The following PIP5K1C variants were observed in gnomAD, a reference collection of about 807,000 sequenced individuals.
The protein encoded by PIP5K1C is phosphatidylinositol-4-phosphate 5-kinase type 1 gamma, also known as phosphatidylinositol 4-phosphate 5-kinase type-1 gamma.
Under a neutral mutation model 80.1 loss-of-function variants are expected in PIP5K1C, and 45 were observed. The ratio of observed to expected loss-of-function variants is 0.56; its 90% CI spans 0.44 to 0.72. The LOEUF is 0.72. PIP5K1C is among the 30% of genes least tolerant of loss of function. PIP5K1C has a pLI of 0.00. For synonymous variants in PIP5K1C, 498 were observed against 420.1 expected (o/e 1.19, Z -2.27); for missense variants, 753 against 954.6 (o/e 0.79, Z 2.78).
Position 3,641,580 on chromosome 19 carries a change from A to C in PIP5K1C, c.1787+125T>G. ...AATCAAAAAATAAACTTATGGGAAA[A>C]TCCACCATCTGTGAATACAACCTAG... On this transcript the variant is annotated intron_variant, in intron 15 of 17. Transcript: ENST00000335312. 4 of 738,582 alleles carry C rather than the reference A, an allele frequency of 5.4e-6. 1 individual carries two copies. Among genetic ancestry groups the C allele is most frequent in the Middle Eastern group, 3.6e-4 (1 of 2,774 alleles). The allele number at this position is 738,582 out of a possible 1,614,324, so 45.8% of individuals were successfully genotyped here.
intron 1 of PIP5K1C, among the ~76,000 whole-genome samples, chr19:3,680,224 A>C (rs1374086159): frequency 2.0e-5 from 3 of 152,080 alleles, no homozygotes; most frequent in African/African-American, 7.2e-5. Flanking sequence ...CCATCCATCC[A>C]AACCAAAATC....
intron 14 of PIP5K1C, among the ~76,000 whole-genome samples, 198 bp from the exon 15 acceptor site, chr19:3,642,007 C>T (rs528347070): frequency 6.6e-6 from 1 of 152,304 alleles, no homozygotes; most frequent in Admixed American, 6.5e-5. Flanking sequence ...CCAGCAGGGC[C>T]TGGGGTGTAG....
chr19:3,700,421 G>A lies in PIP5K1C; in HGVS notation c.-31C>T. The stretch of plus-strand genomic sequence containing the variant: ...CGCGCGGACGGCGGCGGGGGCGCCC[G>A]AGGGGGACCCGAGCTGCGACCGCCG... On this transcript the variant is annotated 5_prime_UTR_variant, in exon 1 of 18. Transcript: ENST00000335312. 3 of 1,059,858 alleles carry A rather than the reference G, an allele frequency of 2.8e-6. No homozygotes were observed. The highest frequency in any genetic ancestry group is 1.7e-5 in the African/African-American group (1 of 58,362). The allele number at this position is 1,059,858 out of a possible 1,614,324, so 65.7% of individuals were successfully genotyped here. A position where few individuals can be genotyped will look rare whatever the true frequency, so the allele number is the denominator to read the frequency against.
chr19:3,681,874 C>A (rs1183346817), intron 1 of PIP5K1C, among the ~76,000 whole-genome samples: 1 of 152,046 alleles, frequency 6.6e-6, no homozygotes, highest in Non-Finnish European at 1.5e-5. Flanking sequence ...CCAAACGAGC[C>A]CTGGGGCCTG....
rs2033486632 is a variant in PIP5K1C at position 3,632,077 on chromosome 19, G to A, written c.*1090C>T. ...TCTGGGCTGAGTCCCACCACTGGGA[G>A]CGCTGCCCTCTTGGAGGGTGATGAG... is the stretch of plus-strand genomic sequence containing the variant. On this transcript the variant is annotated 3_prime_UTR_variant, in exon 18 of 18. Coordinates refer to ENST00000335312, the MANE Select transcript of PIP5K1C (RefSeq NM_012398.3). 6.6e-6 allele frequency: 1 copy of A among 152,320 alleles called. No homozygotes were observed. The highest frequency in any genetic ancestry group is 6.5e-5 in the Admixed American group (1 of 15,290). The allele number at this position is 152,320 out of a possible 1,614,324, so 9.4% of individuals were successfully genotyped here.
At chr19:3,645,823 C>T (rs141482241) in intron 11 of PIP5K1C, 151 bp downstream of exon 11, 285 of 741,178 alleles carry the variant, frequency 3.8e-4, no homozygotes, top group African/African-American at 3.6e-3. Context: ...ACCCTACCTC[C>T]GGATGAGGCC....
rs900750399 is a variant in PIP5K1C at position 3,685,587 on chromosome 19, G to A, written c.94+14710C>T. On this transcript the variant is annotated intron_variant, in intron 1 of 17. Coordinates refer to ENST00000335312, the MANE Select transcript of PIP5K1C (RefSeq NM_012398.3). ...CTACTAAAAATACAAAAAATTAGCC[G>A]GGTGTGGTGGCGGGCGCCTGTAGTC... 3.0e-4 allele frequency among the ~76,000 whole-genome samples: 46 copies of A among 152,170 alleles called. No individual in the cohort carries two copies. In the East Asian group the frequency reaches 4.9e-3, roughly 16 times the overall value.
chr19:3,654,957 A>G (rs2034570373), intron 6 of PIP5K1C, among the ~76,000 whole-genome samples: 1 of 151,830 alleles, frequency 6.6e-6, no homozygotes, highest in African/African-American at 2.4e-5. Flanking sequence ...AAAATACAAA[A>G]ATTAGCCAGG....
rs1236699758 is a variant in PIP5K1C, at chr19:3,637,544, A to G, written c.1920+1340T>C. The G allele has an allele frequency of 6.6e-7, 1 of 1,506,262 alleles. No homozygotes were observed. The highest frequency in any genetic ancestry group is 8.8e-7 in the Non-Finnish European group (1 of 1,130,526). 93.3% of individuals were successfully genotyped at this position (1,506,262 alleles called of 1,614,324 possible). On this transcript the variant is annotated intron_variant, in intron 16 of 17. Coordinates refer to ENST00000335312, the MANE Select transcript of PIP5K1C (RefSeq NM_012398.3). The surrounding 1 kb of genome is among the most constrained non-coding windows in gnomAD (Gnocchi z 7.0). Reference sequence around the variant, plus strand: ...CGGCTGCGGTCACTTACAGTCCCCGAGGCGCTCAGCGTCACGGCCCGCAGT... The same window carrying G: ...CGGCTGCGGTCACTTACAGTCCCCGGGGCGCTCAGCGTCACGGCCCGCAGT...
chr19:3,651,999 G>A lies in PIP5K1C; in HGVS notation c.954C>T (p.Ser318=). The change falls in exon 8 of 18, where the codon AGC becomes AGT. Residue 318 remains serine, a synonymous_variant. Transcript: ENST00000335312. ...CGATGTTGTGCACGCCCAGCAGCAG[G>A]CTGTAGTCCATGATCTTGAAACTTT... ...VLESFKIMDY[S]LLLGVHNIDQ... is the part of the protein sequence containing the mutation. 6.2e-7 allele frequency: 1 copy of A among 1,613,082 alleles called. No individual in the cohort carries two copies. Among genetic ancestry groups the A allele is most frequent in the Non-Finnish European group, 8.5e-7 (1 of 1,179,966 alleles).
chr19:3,687,109 C>T (rs2035783764), intron 1 of PIP5K1C, among the ~76,000 whole-genome samples: 1 of 152,174 alleles, frequency 6.6e-6, no homozygotes, highest in African/African-American at 2.4e-5. Flanking sequence ...AGAAGATTGG[C>T]TTGAACCCGG....
intron 16 of PIP5K1C, chr19:3,636,742 A>ATGGGCGGGGAGTCACGGCGGCC (rs2033703715): frequency 1.0e-6 from 1 of 986,836 alleles, no homozygotes; most frequent in Non-Finnish European, 1.2e-6. Flanking sequence ...AGGTTTGCTG[A>ATGGGCGGGGAGTCACGGCGGCC]TGGGCGGGGA....
At chr19:3,633,844 TTCCTCC>T (rs911336780) in intron 16 of PIP5K1C, among the ~76,000 whole-genome samples, 6 of 151,478 alleles carry the variant, frequency 4.0e-5, no homozygotes, top group African/African-American at 9.7e-5. Flanking sequence ...GCACCGAGTG[TTCCTCC>T]TCCTCCTCCT....
chr19:3,649,935 C>A, intron 8 of PIP5K1C: 1 of 251,162 alleles, frequency 4.0e-6, no homozygotes, highest in Non-Finnish European at 7.9e-6. Flanking sequence ...GCCACTGGGA[C>A]CCAGACCCGC....
intron 9 of PIP5K1C, 147 bp from the exon 10 acceptor site, chr19:3,647,533 C>T: frequency 1.3e-6 from 1 of 745,480 alleles, no homozygotes; most frequent in Non-Finnish European, 2.3e-6. Context: ...GCAGGTGCTC[C>T]TGGCAGGGAG....
chr19:3,637,095 C>T lies in PIP5K1C; in HGVS notation c.1920+1789G>A. On this transcript the variant is annotated intron_variant, in intron 16 of 17. Transcript: ENST00000335312. This position sits in a 1 kb window ranked among gnomAD's most constrained non-coding sequence, Gnocchi z 7.0. ...CATGGCCCTGCGGTTCAGAGCCCGG[C>T]CCTGCAGCCACTCTGCTGACCTGTG... 1 of 1,292,190 alleles carries T rather than the reference C, an allele frequency of 7.7e-7. No individual in the cohort carries two copies. Among genetic ancestry groups the T allele is most frequent in the Non-Finnish European group, 9.8e-7 (1 of 1,015,682 alleles). 80.0% of individuals were successfully genotyped at this position (1,292,190 alleles called of 1,614,324 possible).
chr19:3,642,306 G>A (rs1274975793), intron 14 of PIP5K1C, among the ~76,000 whole-genome samples: 2 of 152,244 alleles, frequency 1.3e-5, no homozygotes, highest in African/African-American at 4.8e-5. Flanking sequence ...GTGTTCACAA[G>A]AGTGAGACCC....
At chr19:3,661,104 G>A (rs756181889) in intron 4 of PIP5K1C, 21 bp from the exon 5 acceptor site, 2 of 1,572,960 alleles carry the variant, frequency 1.3e-6, no homozygotes, top group South Asian at 2.2e-5. Flanking sequence ...AGGACGGGAG[G>A]AAACCTGTGA....
intron 1 of PIP5K1C, among the ~76,000 whole-genome samples, chr19:3,668,823 A>G (rs2035106405): frequency 6.6e-6 from 1 of 152,170 alleles, no homozygotes; most frequent in Admixed American, 6.5e-5. Context: ...AGTGCCGAAC[A>G]AGGATGCCGT....
Sources: allele counts gnomAD v4.1 joint callset (sites outside exome capture counted in the v4.1 genomes callset), GRCh38; gene constraint gnomAD v4.1.1; non-coding constraint Gnocchi (gnomAD v3.1); transcripts MANE v1.5; gene names NCBI Gene and HGNC (gene_info 2026-07-23, HGNC 2026-07-21).